Variants in DDX41 observed in about 807,000 individuals in gnomAD.
DDX41 encodes DEAD-box helicase 41.
DDX41 carries 50 observed loss-of-function variants against 78.8 expected under a neutral mutation model. That is an observed-to-expected ratio of 0.63 (90% CI 0.51 to 0.80). The LOEUF (loss-of-function observed/expected upper bound fraction) is 0.80, where lower values mean the gene tolerates loss of function less well. Among genes scored for constraint, DDX41 ranks in the 30% least tolerant of loss-of-function variants. DDX41 has a pLI of 0.00. For missense variants in DDX41, 633 were observed against 849.2 expected (o/e 0.75, Z 3.16); for synonymous variants, 381 against 321.5 (o/e 1.19, Z -1.98).
intron 2 of DDX41, 45 bp downstream of exon 2, chr5:177,516,680 C>G: frequency 6.5e-7 from 1 of 1,543,796 alleles, no homozygotes; most frequent in Non-Finnish European, 8.8e-7. Context: ...CCCCCTGCGA[C>G]CCCGCGGTCA....
At position 177,516,682 on chromosome 5, in the gene DDX41, C is replaced by T. The variant is rs372297439; in HGVS notation, c.138+43G>A. ...GAGGCCACGCCCGCCCCCTGCGACC[C>T]CGCGGTCACGGCCCCATCCCTCCCC... On this transcript the variant is annotated intron_variant, in intron 2 of 16. Coordinates refer to ENST00000330503, the MANE Select transcript of DDX41 (RefSeq NM_016222.4). 1.2e-4 allele frequency: 178 copies of T among 1,546,848 alleles called. No individual in the cohort carries two copies. The African/African-American group carries it at 2.3e-3, about 20-fold the overall frequency.
chr5:177,516,534 T>A, intron 2 of DDX41, 87 bp from the exon 3 acceptor site: 1 of 1,547,052 alleles, frequency 6.5e-7, no homozygotes, highest in South Asian at 1.1e-5. Flanking sequence ...GCGAGGATCC[T>A]GTGCCCGAGG....
rs772038708 is a variant in DDX41 at position 177,513,733 on chromosome 5, G to A, written c.1050C>T (p.Ile350=). The A allele has an allele frequency of 4.6e-5, 75 of 1,613,712 alleles. No individual in the cohort carries two copies. Among genetic ancestry groups the A allele is most frequent in the Middle Eastern group, 3.3e-4 (2 of 6,084 alleles). The change falls in exon 10 of 17, where the codon ATC becomes ATT. Residue 350 remains isoleucine (I), a synonymous_variant. Transcript: ENST00000330503. This position sits in a 1 kb window ranked among gnomAD's most constrained non-coding sequence, Gnocchi z 4.6. ...YLALDEADRM[I]DMGFEGDIRT... ...GGATGTCACCCTCGAAGCCCATGTCGATCATGCGGTCAGCCTCGTCCAGGG... is the reference window on the plus strand; with the variant it reads ...GGATGTCACCCTCGAAGCCCATGTCAATCATGCGGTCAGCCTCGTCCAGGG...
rs1761080403 is a variant in DDX41, at chr5:177,513,519, A to G, written c.1099-35T>C. On this transcript the variant is annotated intron_variant, in intron 10 of 16. Transcript: ENST00000330503. This position sits in a 1 kb window ranked among gnomAD's most constrained non-coding sequence, Gnocchi z 4.6. ...AGGGGGGCTGCGACCAAGGGCACAC[A>G]GGGCTGGGCTGAGGGGCATGGGGTC... is the stretch of plus-strand genomic sequence containing the variant. The G allele has an allele frequency of 1.9e-6, 3 of 1,613,918 alleles. No homozygotes were observed. The highest frequency in any genetic ancestry group is 2.5e-6 in the Non-Finnish European group (3 of 1,179,994).
At chr5:177,515,280 G>C (rs752037922) in intron 6 of DDX41, 22 bp from the exon 7 acceptor site, 2 of 1,613,210 alleles carry the variant, frequency 1.2e-6, no homozygotes, top group Non-Finnish European at 8.5e-7. Flanking sequence ...AACCGACATC[G>C]TCTTCATGAC....
Position 177,516,819 on chromosome 5 carries a change from T to G in DDX41, c.44A>C (p.Glu15Ala), listed in dbSNP as rs1761259828. 6.2e-7 allele frequency: 1 copy of G among 1,612,522 alleles called. No homozygotes were observed. Among genetic ancestry groups the G allele is most frequent in the Admixed American group, 1.7e-5 (1 of 59,962 alleles). Residue 15 changes from glutamate to alanine, a missense_variant, in exon 2 of 17, where the codon GAG (glutamate) becomes GCG (alanine). Glu to Ala is a moderately radical substitution (Grantham distance 107). Around this residue, in one of 6 missense-constraint regions of DDX41, gnomAD observed 140 missense variants for 115.2 expected, o/e 1.22. Transcript: ENST00000330503. ...GGAGCGGCTTCCTCCGGCAGGCACC[T>G]CGTCGGTGCGAGCCCGCTGCAAGCA... ...EPERKRARTD[E>A]VPAGGSRSEA...
chr5:177,512,077 G>T lies in DDX41; in HGVS notation c.1732+19C>A, dbSNP rs531222773. 920 of 1,611,400 alleles carry T rather than the reference G, an allele frequency of 5.7e-4. 13 individuals are homozygous for T. In the South Asian group the frequency reaches 9.6e-3, roughly 17 times the overall value. On this transcript the variant is annotated intron_variant, in intron 16 of 16. Coordinates refer to ENST00000330503, the MANE Select transcript of DDX41 (RefSeq NM_016222.4). ...GCCACCTGCCGGCTGGGGACTCGGG[G>T]ATCCCGCTCTGCAGTCACCTCCAAT...
At position 177,514,689 on chromosome 5, in the gene DDX41, G is replaced by C; in HGVS notation, c.935+12C>G. 6.2e-7 allele frequency: 1 copy of C among 1,605,390 alleles called. No homozygotes were observed. Among genetic ancestry groups the C allele is most frequent in the Non-Finnish European group, 8.5e-7 (1 of 1,175,128 alleles). Reference sequence around the variant, plus strand: ...GTGGCAGAGGTGGGGGGCAGGGAGCGCCAGCACTCACTGTCGGATGGTCTC... The same window carrying C: ...GTGGCAGAGGTGGGGGGCAGGGAGCCCCAGCACTCACTGTCGGATGGTCTC... On this transcript the variant is annotated intron_variant, in intron 9 of 16. Coordinates refer to ENST00000330503, the MANE Select transcript of DDX41 (RefSeq NM_016222.4). The surrounding 1 kb of genome is among the most constrained non-coding windows in gnomAD (Gnocchi z 4.2).
rs1224759807 is a variant in DDX41 at position 177,514,074 on chromosome 5, T to C, written c.936-227A>G. On this transcript the variant is annotated intron_variant, in intron 9 of 16. Coordinates refer to ENST00000330503, the MANE Select transcript of DDX41 (RefSeq NM_016222.4). The surrounding 1 kb of genome is among the most constrained non-coding windows in gnomAD (Gnocchi z 4.2). ...GCCTGGCGCGCCTTCCCCCTTCTCC[T>C]GGGTCAGCCTCTCACCCAGAAGCGC... 2.1e-5 allele frequency: 14 copies of C among 676,180 alleles called. No homozygotes were observed. The highest frequency in any genetic ancestry group is 3.5e-5 in the Non-Finnish European group (13 of 369,816). The allele number at this position is 676,180 out of a possible 1,614,324, so 41.9% of individuals were successfully genotyped here. A position where few individuals can be genotyped will look rare whatever the true frequency, so the allele number is the denominator to read the frequency against.
intron 5 of DDX41, 51 bp from the exon 6 acceptor site, chr5:177,515,872 G>A: frequency 6.2e-7 from 1 of 1,614,136 alleles, no homozygotes; most frequent in Non-Finnish European, 8.5e-7. Flanking sequence ...GCTGGCCTGG[G>A]AGCATCCCTG....
chr5:177,512,409 CAG>C lies in DDX41; in HGVS notation c.1550-18_1550-17del. The stretch of plus-strand genomic sequence containing the variant: ...ATCCGGTGTACTGCAGAGAGAAGGA[CAG>C]AGTCTCTGGCCCATCGCTGGACACT... On this transcript the variant is annotated splice_polypyrimidine_tract_variant and intron_variant, in intron 14 of 16. Coordinates refer to ENST00000330503, the MANE Select transcript of DDX41 (RefSeq NM_016222.4). 2 of 1,614,062 alleles carry C rather than the reference CAG, an allele frequency of 1.2e-6. No homozygotes were observed. Among genetic ancestry groups the C allele is most frequent in the Non-Finnish European group, 1.7e-6 (2 of 1,180,008 alleles).
Position 177,515,000 on chromosome 5 carries a change from G to T in DDX41, c.714C>A (p.Pro238=), listed in dbSNP as rs571753440. 2.5e-6 allele frequency: 4 copies of T among 1,613,758 alleles called. No individual in the cohort carries two copies. The highest frequency in any genetic ancestry group is 3.4e-6 in the Non-Finnish European group (4 of 1,179,868). The change falls in exon 8 of 17, where the codon CCC becomes CCA. Residue 238 remains proline (P), a synonymous_variant. Transcript: ENST00000330503. The surrounding 1 kb of genome is among the most constrained non-coding windows in gnomAD (Gnocchi z 4.2). The part of the protein sequence containing the change: ...GSGKTLVFTL[P]VIMFCLEQEK... ...CTTGTTCCAGGCAGAACATGATGACGGGCAACGTGAACACCAGTGTCTTGC... is the reference window on the plus strand; with the variant it reads ...CTTGTTCCAGGCAGAACATGATGACTGGCAACGTGAACACCAGTGTCTTGC...
At position 177,513,922 on chromosome 5, in the gene DDX41, A is replaced by ATCTGC. The variant is rs1391799060; in HGVS notation, c.936-80_936-76dup. On this transcript the variant is annotated intron_variant, in intron 9 of 16. Coordinates refer to ENST00000330503, the MANE Select transcript of DDX41 (RefSeq NM_016222.4). This position sits in a 1 kb window ranked among gnomAD's most constrained non-coding sequence, Gnocchi z 4.6. ...ATCTAGAGGCAAGCAGGCACCCTGC[A>ATCTGC]TCTGCTCTGCTCTCTGTCCTCCTTC... 25 of 1,437,258 alleles carry ATCTGC rather than the reference A, an allele frequency of 1.7e-5. No homozygotes were observed. The highest frequency in any genetic ancestry group is 2.4e-5 in the Non-Finnish European group (25 of 1,029,016). The allele number at this position is 1,437,258 out of a possible 1,614,324, so 89.0% of individuals were successfully genotyped here. A position where few individuals can be genotyped will look rare whatever the true frequency, so the allele number is the denominator to read the frequency against.
In DDX41 at chr5:177,514,411, C is replaced by T. The variant is rs947695677; in HGVS notation, c.935+290G>A. 8 of 521,042 alleles carry T rather than the reference C, an allele frequency of 1.5e-5. No individual in the cohort carries two copies. The highest frequency in any genetic ancestry group is 1.5e-4 in the African/African-American group (8 of 52,180). The allele number at this position is 521,042 out of a possible 1,614,324, so 32.3% of individuals were successfully genotyped here. ...CCTCTGTGCTTTCAGCCTGGACTGC[C>T]CCTCTTCCCAATTCAAATGTCACCT... On this transcript the variant is annotated intron_variant, in intron 9 of 16. Transcript: ENST00000330503. The surrounding 1 kb of genome is among the most constrained non-coding windows in gnomAD (Gnocchi z 4.2).
rs1232112075 is a variant in DDX41, at chr5:177,513,583, T to C, written c.1099-99A>G. 2 of 1,605,724 alleles carry C rather than the reference T, an allele frequency of 1.2e-6. No individual in the cohort carries two copies. The highest frequency in any genetic ancestry group is 1.7e-6 in the Non-Finnish European group (2 of 1,174,250). On this transcript the variant is annotated intron_variant, in intron 10 of 16. Coordinates refer to ENST00000330503, the MANE Select transcript of DDX41 (RefSeq NM_016222.4). This position sits in a 1 kb window ranked among gnomAD's most constrained non-coding sequence, Gnocchi z 4.6. ...CAACTGAGACACAGCCCACAAAGTA[T>C]GAGCAGTGGGTTGGGGTGGCCAGGG...
Position 177,513,179 on chromosome 5 carries a change from G to C in DDX41, c.1231-97C>G. 1 of 1,522,554 alleles carries C rather than the reference G, an allele frequency of 6.6e-7. No individual in the cohort carries two copies. Among genetic ancestry groups the C allele is most frequent in the Non-Finnish European group, 8.9e-7 (1 of 1,117,438 alleles). 94.3% of individuals were successfully genotyped at this position (1,522,554 alleles called of 1,614,324 possible). ...CATCTGGACCAGGAGGTGACCAGAA[G>C]CCTCTGGCCGCCAAGGGCTGGTGCC... is the stretch of plus-strand genomic sequence containing the variant. On this transcript the variant is annotated intron_variant, in intron 11 of 16. Transcript: ENST00000330503. The surrounding 1 kb of genome is among the most constrained non-coding windows in gnomAD (Gnocchi z 4.6).
chr5:177,515,943 G>A lies in DDX41; in HGVS notation c.420C>T (p.Asp140=). Reference sequence around the variant, plus strand: ...TACAGACATACCTGGTTTTGATGGGGTCATCATACGTAATGCCCTTAGCCA... The same window carrying A: ...TACAGACATACCTGGTTTTGATGGGATCATCATACGTAATGCCCTTAGCCA... ...KEMAKGITYD[D]PIKTSWTPPR... Residue 140 remains aspartate, a synonymous_variant, in exon 5 of 17, where the codon GAC becomes GAT. Coordinates refer to ENST00000330503, the MANE Select transcript of DDX41 (RefSeq NM_016222.4). 1 of 1,614,104 alleles carries A rather than the reference G, an allele frequency of 6.2e-7. No homozygotes were observed. The highest frequency in any genetic ancestry group is 1.1e-5 in the South Asian group (1 of 91,090).
In DDX41 at chr5:177,513,424, T is replaced by C; in HGVS notation, c.1159A>G (p.Lys387Glu). ...TMPKKIQNFA[K>E]SALVKPVTIN... ...GTCACAGGCTTTACAAGGGCACTCT[T>C]AGCAAAGTTCTGAATCTTCTTCGGC... The change falls in exon 11 of 17, where the codon AAG becomes GAG. Residue 387 changes from lysine to glutamate, a missense_variant. Coordinates refer to ENST00000330503, the MANE Select transcript of DDX41 (RefSeq NM_016222.4). This position sits in a 1 kb window ranked among gnomAD's most constrained non-coding sequence, Gnocchi z 4.6. The C allele has an allele frequency of 6.2e-7, 1 of 1,614,158 alleles. No individual in the cohort carries two copies. Among genetic ancestry groups the C allele is most frequent in the Non-Finnish European group, 8.5e-7 (1 of 1,180,016 alleles).
chr5:177,513,838 G>A lies in DDX41; in HGVS notation c.945C>T (p.His315=), dbSNP rs141520272. Residue 315 remains histidine (H), a synonymous_variant, in exon 10 of 17, where the codon CAC becomes CAT. Transcript: ENST00000330503. The surrounding 1 kb of genome is among the most constrained non-coding windows in gnomAD (Gnocchi z 4.6). ...GGCGCCCCGGGGTGGCCACCATCAT[G>A]TGTACACCGCTGGGGACCAAGGAGA... ...EQMETIRHGV[H]MMVATPGRLM... The A allele has an allele frequency of 1.9e-5, 30 of 1,613,514 alleles. No homozygotes were observed. Among genetic ancestry groups the A allele is most frequent in the Non-Finnish European group, 2.5e-5 (30 of 1,180,004 alleles).
Sources: gnomAD v4.1 joint callset for allele counts on GRCh38, gnomAD v4.1.1 for gene constraint, gnomAD v4.1.1 regional missense constraint, Gnocchi (gnomAD v3.1) non-coding constraint, MANE v1.5 for transcripts, NCBI Gene and HGNC (gene_info 2026-07-23, HGNC 2026-07-21) for gene names.